Variants in DLG2 observed in about 807,000 individuals in gnomAD.
DLG2 encodes disks large homolog 2.
DLG2 carries 45 observed loss-of-function variants against 132.5 expected under a neutral mutation model. The ratio of observed to expected loss-of-function variants is 0.34; its 90% CI spans 0.27 to 0.44. The LOEUF is 0.44. Ranked by LOEUF, DLG2 falls within the 20% of genes least tolerant of loss-of-function variation. The probability of loss-of-function intolerance (pLI) is 1.00; values close to 1 mark genes in which losing one functional copy is unlikely to be tolerated. For synonymous variants in DLG2, 424 were observed against 419.6 expected (o/e 1.01, Z -0.13); for missense variants, 1,045 against 1,196.9 (o/e 0.87, Z 1.87).
intron 3 of DLG2, among the ~76,000 whole-genome samples, chr11:85,325,368 C>A (rs1216370550): frequency 3.3e-5 from 5 of 150,796 alleles, no homozygotes; most frequent in Non-Finnish European, 7.4e-5. Flanking sequence ...ACTTAAGTGT[C>A]CCTGTCTGAC....
chr11:85,486,760 C>A (rs1029125184), intron 3 of DLG2, among the ~76,000 whole-genome samples: 4 of 151,986 alleles, frequency 2.6e-5, no homozygotes, highest in Non-Finnish European at 5.9e-5. Context: ...CACCTGCTGC[C>A]CAGGGCCTGA....
At chr11:84,140,979 C>G (rs1016722657) in intron 9 of DLG2, among the ~76,000 whole-genome samples, 1 of 152,096 alleles carries the variant, frequency 6.6e-6, no homozygotes, top group Admixed American at 6.6e-5. Context: ...TTCTTTGAAC[C>G]ACAGTTTGCT....
At chr11:84,640,251 C>T in intron 6 of DLG2, 4 of 311,714 alleles carry the variant, frequency 1.3e-5, no homozygotes, top group South Asian at 8.6e-5. Flanking sequence ...AGTGGGCTTC[C>T]ATTACAAGAC....
At chr11:83,483,358 G>C (rs1270874594) in intron 22 of DLG2, 2 of 1,349,894 alleles carry the variant, frequency 1.5e-6, no homozygotes, top group Non-Finnish European at 2.1e-6. Context: ...GAAGAGGAAG[G>C]AAGAAGTCAG....
chr11:84,514,464 G>A (rs1173020506), intron 7 of DLG2, among the ~76,000 whole-genome samples: 1 of 152,036 alleles, frequency 6.6e-6, no homozygotes, highest in Non-Finnish European at 1.5e-5. Flanking sequence ...CACATGGATG[G>A]ATAAAGAAAA....
chr11:83,815,738 T>C (rs558465597), intron 17 of DLG2, among the ~76,000 whole-genome samples: 1 of 152,146 alleles, frequency 6.6e-6, no homozygotes, highest in Non-Finnish European at 1.5e-5. Flanking sequence ...CTATTGCAGT[T>C]ACCAAGCAAG....
chr11:84,502,161 T>C (rs753484917), intron 7 of DLG2, among the ~76,000 whole-genome samples: 4,472 of 37,658 alleles, frequency 0.12, 691 homozygotes, highest in African/African-American at 0.4. Flanking sequence ...TTCCTTCCTT[T>C]CTCTCTCTCT....
At chr11:85,009,976 A>G (rs1266391627) in intron 6 of DLG2, among the ~76,000 whole-genome samples, 2 of 152,110 alleles carry the variant, frequency 1.3e-5, no homozygotes, top group African/African-American at 4.8e-5. Context: ...GAATCCCAGC[A>G]ATTTTTAAAA....
intron 21 of DLG2, among the ~76,000 whole-genome samples, chr11:83,524,862 A>AT (rs1214947426): frequency 6.6e-6 from 1 of 152,160 alleles, no homozygotes; most frequent in East Asian, 1.9e-4. Flanking sequence ...TTTGAACGAT[A>AT]TCTCTTTTAG....
At chr11:85,039,266 C>A (rs956587730) in intron 6 of DLG2, among the ~76,000 whole-genome samples, 3 of 111,596 alleles carry the variant, frequency 2.7e-5, no homozygotes, top group Non-Finnish European at 5.6e-5. Flanking sequence ...TAAACAAGTT[C>A]TACCCAAATG....
intron 6 of DLG2, among the ~76,000 whole-genome samples, chr11:85,092,169 T>G (rs1188532614): frequency 6.6e-6 from 1 of 152,176 alleles, no homozygotes; most frequent in African/African-American, 2.4e-5. Context: ...CCATCAGAAT[T>G]TTTGAGTGAT....
At chr11:83,710,366 T>G (rs1261957289) in intron 18 of DLG2, among the ~76,000 whole-genome samples, 1 of 152,094 alleles carries the variant, frequency 6.6e-6, no homozygotes, top group Non-Finnish European at 1.5e-5. Context: ...TTCACTACAT[T>G]GGCCAGGTTG....
At chr11:83,610,462 C>G (rs901764003) in intron 19 of DLG2, among the ~76,000 whole-genome samples, 1 of 152,110 alleles carries the variant, frequency 6.6e-6, no homozygotes, top group Non-Finnish European at 1.5e-5. Flanking sequence ...CTGTGGAACC[C>G]TGTGATTTGA....
intron 7 of DLG2, among the ~76,000 whole-genome samples, chr11:84,341,086 G>GT (rs1447269448): frequency 2.6e-5 from 4 of 152,276 alleles, no homozygotes; most frequent in African/African-American, 9.6e-5. Flanking sequence ...GCTAAGGATC[G>GT]TAAGTGGGGG....
chr11:83,736,775 C>T (rs2091953823), intron 18 of DLG2, among the ~76,000 whole-genome samples: 1 of 152,166 alleles, frequency 6.6e-6, no homozygotes, highest in South Asian at 2.1e-4. Context: ...TGAAGAACAG[C>T]TTTGATCAGC....
chr11:84,037,697 T>C (rs547601022), intron 11 of DLG2, among the ~76,000 whole-genome samples: 1 of 152,238 alleles, frequency 6.6e-6, no homozygotes, highest in South Asian at 2.1e-4. Flanking sequence ...GTTGAATTAT[T>C]TGAAATGAAT....
chr11:85,139,750 G>C (rs924429663), intron 5 of DLG2, among the ~76,000 whole-genome samples: 7 of 151,876 alleles, frequency 4.6e-5, no homozygotes, highest in African/African-American at 1.7e-4. Flanking sequence ...GTACATATCT[G>C]CTAGTTTGTA....
At chr11:84,513,323 GA>G (rs1424524725) in intron 7 of DLG2, among the ~76,000 whole-genome samples, 2 of 151,730 alleles carry the variant, frequency 1.3e-5, no homozygotes, top group East Asian at 1.9e-4. Flanking sequence ...CACAGAAATA[GA>G]AAAAAGACAA....
At chr11:84,409,212 C>T (rs1159802764) in intron 7 of DLG2, among the ~76,000 whole-genome samples, 1 of 152,192 alleles carries the variant, frequency 6.6e-6, no homozygotes, top group Non-Finnish European at 1.5e-5. Flanking sequence ...GAGTACTAAG[C>T]AGAGTGCATG....
Sources: gnomAD v4.1 joint callset for allele counts (sites outside exome capture counted in the v4.1 genomes callset) on GRCh38, gnomAD v4.1.1 for gene constraint, MANE v1.5 for transcripts, NCBI Gene and HGNC (gene_info 2026-07-23, HGNC 2026-07-21) for gene names.